CTPS2: variants seen among roughly 807,000 people sequenced by gnomAD.
CTPS2 encodes the protein CTP synthase II.
A neutral mutation model predicts 46.8 loss-of-function variants in CTPS2; 19 were observed. The ratio of observed to expected loss-of-function variants is 0.41; its 90% CI spans 0.28 to 0.60. The LOEUF is 0.60. Ranked by LOEUF, CTPS2 falls within the 20% of genes least tolerant of loss-of-function variation. The pLI, the probability that CTPS2 is intolerant of heterozygous loss-of-function variation, is 0.35. For missense variants in CTPS2, 286 were observed against 447.6 expected, an observed-to-expected ratio of 0.64 and a Z score of 3.26; for synonymous variants, 151 against 165.2, an observed-to-expected ratio of 0.91 and a Z score of 0.66.
chrX:16,686,420 C>G (rs1024211258), intron 8 of CTPS2, among the ~76,000 whole-genome samples: 7 of 111,438 alleles, frequency 6.3e-5, no homozygotes, highest in African/African-American at 1.6e-4. Flanking sequence ...TGGCCCCCCC[C>G]CAAAGAAATT....
chrX:16,657,730 T>A (rs1455896942), intron 13 of CTPS2, among the ~76,000 whole-genome samples: 1 of 112,060 alleles, frequency 8.9e-6, no homozygotes, highest in Admixed American at 9.5e-5. Context: ...GCTGCTGCTC[T>A]TTGTGATTAG....
intron 14 of CTPS2, among the ~76,000 whole-genome samples, chrX:16,626,318 T>C (rs62589070): frequency 0.21 from 22,874 of 109,998 alleles, 1,959 homozygotes; most frequent in Middle Eastern, 0.31. Flanking sequence ...GAGGCAGAGG[T>C]TGCACTGAGC....
At chrX:16,702,656 A>T (rs772950683) in intron 2 of CTPS2, 81 bp downstream of exon 2, 34 of 925,372 alleles carry the variant, frequency 3.7e-5, no homozygotes, top group Non-Finnish European at 5.1e-5. Flanking sequence ...CTGGAACTAC[A>T]TCCTAAAGAA....
Position 16,590,783 on chromosome X carries a change from T to C in CTPS2, c.*10A>G. The C allele has an allele frequency of 8.6e-7, 1 of 1,161,511 alleles. No homozygotes were observed. The highest frequency in any genetic ancestry group is 1.2e-6 in the Non-Finnish European group (1 of 850,723). On this transcript the variant is annotated 3_prime_UTR_variant, in exon 18 of 19. Transcript: ENST00000359276. The stretch of plus-strand genomic sequence containing the variant: ...AGGCAGTCCCCATTATTCCCAGTCA[T>C]GTATTCATTTCAGCTTATTTCCAAC...
intron 13 of CTPS2, among the ~76,000 whole-genome samples, chrX:16,641,193 C>G (rs1252488270): frequency 1.8e-5 from 2 of 112,048 alleles, no homozygotes; most frequent in East Asian, 5.6e-4. Flanking sequence ...GCCACAGATT[C>G]AGAAGTCCTA....
rs762567534 is a variant in CTPS2 at position 16,698,930 on chromosome X, T to C, written c.330A>G (p.Thr110=). Residue 110 remains threonine, a synonymous_variant, in exon 3 of 19, where the codon ACA becomes ACG. Transcript: ENST00000359276. ...GTCTGTGGAATATAATACCTTGCACTGTTTTCCCCAGGTAATCACCACGCC... is the reference window on the plus strand; with the variant it reads ...GTCTGTGGAATATAATACCTTGCACCGTTTTCCCCAGGTAATCACCACGCC... ...KERRGDYLGK[T]VQVVPHITDA... is the part of the protein sequence containing the mutation. 5 of 1,200,535 alleles carry C rather than the reference T, an allele frequency of 4.2e-6. No homozygotes were observed. Among genetic ancestry groups the C allele is most frequent in the Non-Finnish European group, 5.6e-6 (5 of 889,788 alleles).
intron 11 of CTPS2, 151 bp downstream of exon 11, chrX:16,670,429 T>G: frequency 6.6e-5 from 27 of 409,509 alleles, no homozygotes. Flanking sequence ...AAATTTAGAA[T>G]ATAGTTTGTT....
intron 13 of CTPS2, among the ~76,000 whole-genome samples, chrX:16,654,861 GGACCACAGAGGGA>G (rs1932780385): frequency 9.2e-6 from 1 of 109,255 alleles, no homozygotes; most frequent in Admixed American, 9.9e-5. Context: ...ACTCCAGCCT[GGACCACAGAGGGA>G]GACCCTGTCT....
At chrX:16,651,057 T>C in intron 13 of CTPS2, 1 of 1,206,041 alleles carries the variant, frequency 8.3e-7, no homozygotes, top group Admixed American at 2.2e-5. Context: ...TTGAAAAATA[T>C]GCAGCCAAAG....
intron 14 of CTPS2, 87 bp downstream of exon 14, chrX:16,639,060 G>T (rs1931914346): frequency 2.9e-6 from 2 of 691,215 alleles, no homozygotes; most frequent in South Asian, 4.5e-5. Context: ...GGGGCAGGGG[G>T]AGTCTCCACC....
intron 13 of CTPS2, among the ~76,000 whole-genome samples, chrX:16,642,204 T>C (rs761299638): frequency 8.9e-6 from 1 of 111,995 alleles, no homozygotes; most frequent in African/African-American, 3.2e-5. Context: ...TTTTCAGAAG[T>C]AATAAACGCT....
chrX:16,616,790 G>A, intron 16 of CTPS2, among the ~76,000 whole-genome samples: 1 of 111,590 alleles, frequency 9.0e-6, no homozygotes, highest in East Asian at 2.8e-4. Flanking sequence ...CACATCCTGG[G>A]TTCAAGCGAC....
At chrX:16,667,189 G>A (rs755744864) in intron 13 of CTPS2, among the ~76,000 whole-genome samples, 143 of 103,248 alleles carry the variant, frequency 1.4e-3, no homozygotes, top group African/African-American at 4.9e-3. Context: ...CTGGAGTGCG[G>A]TGGCATGATC....
intron 1 of CTPS2, among the ~76,000 whole-genome samples, chrX:16,704,468 G>C (rs1308733411): frequency 8.9e-6 from 1 of 112,078 alleles, no homozygotes; most frequent in African/African-American, 3.2e-5. Flanking sequence ...AAACTAGAGA[G>C]ATAGTAAAAA....
At chrX:16,635,808 T>C (rs1036335413) in intron 14 of CTPS2, among the ~76,000 whole-genome samples, 6 of 112,562 alleles carry the variant, frequency 5.3e-5, no homozygotes, top group Non-Finnish European at 1.1e-4. Context: ...TGGAAGACAG[T>C]GCTGCACAAG....
intron 9 of CTPS2, among the ~76,000 whole-genome samples, chrX:16,681,002 A>T (rs1309188251): frequency 4.5e-5 from 5 of 111,999 alleles, no homozygotes; most frequent in African/African-American, 1.6e-4. Flanking sequence ...CCTGGCCAAC[A>T]TGAAGAAACT....
chrX:16,678,399 T>A lies in CTPS2; in HGVS notation c.1057A>T (p.Lys353Ter). The A allele has an allele frequency of 8.3e-7, 1 of 1,205,408 alleles. No individual in the cohort carries two copies. The highest frequency in any genetic ancestry group is 1.1e-6 in the Non-Finnish European group (1 of 890,867). Residue 353 changes from lysine (K) to a stop codon, truncating the protein, a stop_gained, in exon 10 of 19, where the codon AAA becomes TAA. Transcript: ENST00000359276. LOFTEE classifies it high-confidence loss of function. The stretch of plus-strand genomic sequence containing the variant: ...AGCTTCTGCCAAGCTTCATGAAATT[T>A]CACAGGGTCCTCGGTTTCAGTGATC... Reference protein sequence around the residue: ...EKITETEDPVKFHEAWQKLCK... With the variant: ...EKITETEDPV
intron 13 of CTPS2, among the ~76,000 whole-genome samples, chrX:16,661,993 C>CATATATATATATATATATATAT (rs5901592): frequency 1.5e-4 from 13 of 85,346 alleles, no homozygotes; most frequent in African/African-American, 5.3e-4. Context: ...ATTGTTCATT[C>CATATATATATATATATATATAT]ATATATATAT....
intron 8 of CTPS2, among the ~76,000 whole-genome samples, chrX:16,685,768 G>A (rs1030210489): frequency 9.5e-6 from 1 of 105,552 alleles, no homozygotes; most frequent in African/African-American, 3.5e-5. Flanking sequence ...TCGGGAGGCT[G>A]AGGCAGGAGA....
Sources: gnomAD v4.1 joint callset for allele counts (sites outside exome capture counted in the v4.1 genomes callset) on GRCh38, gnomAD v4.1.1 for gene constraint, MANE v1.5 for transcripts, NCBI Gene and HGNC (gene_info 2026-07-23, HGNC 2026-07-21) for gene names.